Variants in PRKCE observed in about 807,000 individuals in gnomAD.
The protein encoded by PRKCE is protein kinase C epsilon, also known as protein kinase C epsilon type.
In PRKCE, 16 loss-of-function variants were observed where a neutral mutation model predicts 85.4. The observed-to-expected ratio is 0.19, with a 90% CI of 0.13 to 0.28. The LOEUF is 0.28. PRKCE is among the 10% of genes least tolerant of loss of function. The probability of loss-of-function intolerance (pLI) is 1.00; values close to 1 mark genes in which losing one functional copy is unlikely to be tolerated. For missense variants in PRKCE, 573 were observed against 975.2 expected, an observed-to-expected ratio of 0.59 and a Z score of 5.49; for synonymous variants, 388 against 371.5, an observed-to-expected ratio of 1.04 and a Z score of -0.51.
rs538383706 is a variant in PRKCE, at chr2:45,818,045, C to T, written c.349-24955C>T. Among the ~76,000 whole-genome samples the T allele has an allele frequency of 1.2e-4, 18 of 152,328 alleles. No homozygotes were observed. In the South Asian group the frequency reaches 3.7e-3, roughly 32 times the overall value. On this transcript the variant is annotated intron_variant, in intron 1 of 14. Transcript: ENST00000306156. ...TCGATCCTTAGAGTATGACCTGAGACAAGAGGGTAGCACATTTGTGATTCT... is the reference window on the plus strand; with the variant it reads ...TCGATCCTTAGAGTATGACCTGAGATAAGAGGGTAGCACATTTGTGATTCT...
intron 11 of PRKCE, among the ~76,000 whole-genome samples, chr2:46,114,193 C>T (rs995876810): frequency 1.7e-4 from 26 of 152,040 alleles, no homozygotes; most frequent in Admixed American, 5.9e-4. Context: ...TGTCGAGAGG[C>T]ACAGAACTCG....
intron 6 of PRKCE, 56 bp downstream of exon 6, chr2:45,984,736 G>T: frequency 7.7e-6 from 12 of 1,562,778 alleles, no homozygotes; most frequent in Non-Finnish European, 1.0e-5. Context: ...CTTGCTGCCT[G>T]CCCCCATCCC....
intron 2 of PRKCE, among the ~76,000 whole-genome samples, chr2:45,941,049 G>C (rs376031075): frequency 1.1e-4 from 12 of 106,388 alleles, no homozygotes; most frequent in Middle Eastern, 5.1e-3. Flanking sequence ...CTGGGTGACA[G>C]AGTGAGACTT....
In PRKCE at chr2:45,960,944, GCTTT is replaced by G. The variant is rs1211339439; in HGVS notation, c.413-15482_413-15479del. Among the ~76,000 whole-genome samples, 19 of 152,254 alleles carry G rather than the reference GCTTT, an allele frequency of 1.2e-4. No homozygotes were observed. In the East Asian group the frequency reaches 3.3e-3, roughly 26 times the overall value. On this transcript the variant is annotated intron_variant, in intron 2 of 14. Coordinates refer to ENST00000306156, the MANE Select transcript of PRKCE (RefSeq NM_005400.3). ...TGAACTTATAATGGCCCTCGCAGAG[GCTTT>G]CTGTTTCAACAGGGTTGAAAGCCTG...
intron 1 of PRKCE, among the ~76,000 whole-genome samples, chr2:45,821,741 T>C (rs935258979): frequency 6.6e-6 from 1 of 152,022 alleles, no homozygotes. Flanking sequence ...CAGAAGTGGG[T>C]TGCAGTGTTG....
intron 1 of PRKCE, among the ~76,000 whole-genome samples, chr2:45,724,956 C>T (rs2104495421): frequency 6.6e-6 from 1 of 152,352 alleles, no homozygotes; most frequent in African/African-American, 2.4e-5. Context: ...CTAGCTAAGA[C>T]CGCTGATGAA....
At chr2:45,838,617 A>G (rs1691090830) in intron 1 of PRKCE, among the ~76,000 whole-genome samples, 1 of 151,878 alleles carries the variant, frequency 6.6e-6, no homozygotes, top group Non-Finnish European at 1.5e-5. Context: ...CAATACTCTT[A>G]CCTTAGTTAA....
chr2:45,770,700 C>G (rs1685248775), intron 1 of PRKCE: 1 of 152,234 alleles, frequency 6.6e-6, no homozygotes, highest in Non-Finnish European at 1.5e-5. Context: ...GGGATGCCAG[C>G]TCTCTAACCG....
chr2:46,078,884 T>C (rs1164420802), intron 10 of PRKCE: 1 of 152,158 alleles, frequency 6.6e-6, no homozygotes, highest in African/African-American at 2.4e-5. Flanking sequence ...CTATAGAAAA[T>C]ATAGGAGTTT....
chr2:45,828,368 C>T (rs996365207), intron 1 of PRKCE, among the ~76,000 whole-genome samples: 1 of 152,224 alleles, frequency 6.6e-6, no homozygotes, highest in East Asian at 1.9e-4. Context: ...CCACTGCTCT[C>T]GAGTCTGGGC....
intron 1 of PRKCE, among the ~76,000 whole-genome samples, chr2:45,725,312 CAG>C (rs1458404044): frequency 6.6e-6 from 1 of 152,228 alleles, no homozygotes; most frequent in Non-Finnish European, 1.5e-5. Flanking sequence ...TGTTCATTGA[CAG>C]TGCACCTAGT....
At position 45,652,173 on chromosome 2, in the gene PRKCE, C is replaced by T. The variant is rs1230861001; in HGVS notation, c.73C>T (p.Leu25=). The change falls in exon 1 of 15, where the codon CTG becomes TTG. Residue 25 remains leucine, a synonymous_variant. Coordinates refer to ENST00000306156, the MANE Select transcript of PRKCE (RefSeq NM_005400.3). The surrounding 1 kb of genome is among the most constrained non-coding windows in gnomAD (Gnocchi z 7.7). The part of the protein sequence containing the change: ...AVSLKPTAWS[L]RHAVGPRPQT... Reference sequence around the variant, plus strand: ...GAGCTTGAAGCCCACAGCCTGGTCGCTGCGCCATGCGGTGGGACCCCGGCC... The same window carrying T: ...GAGCTTGAAGCCCACAGCCTGGTCGTTGCGCCATGCGGTGGGACCCCGGCC... 6.2e-7 allele frequency: 1 copy of T among 1,612,770 alleles called. No homozygotes were observed. Among genetic ancestry groups the T allele is most frequent in the Non-Finnish European group, 8.5e-7 (1 of 1,179,432 alleles).
At chr2:45,932,413 T>C (rs1471251018) in intron 2 of PRKCE, among the ~76,000 whole-genome samples, 2 of 152,172 alleles carry the variant, frequency 1.3e-5, no homozygotes, top group African/African-American at 4.8e-5. Context: ...CACGCTGGCA[T>C]TGAGTGCATA....
At chr2:46,157,240 C>G (rs1558512440) in intron 13 of PRKCE, among the ~76,000 whole-genome samples, 1 of 152,176 alleles carries the variant, frequency 6.6e-6, no homozygotes, top group African/African-American at 2.4e-5. Flanking sequence ...CTCAGCCGCA[C>G]CCGAGTCCAC....
chr2:45,914,324 A>T (rs1697595868), intron 2 of PRKCE, among the ~76,000 whole-genome samples: 1 of 152,244 alleles, frequency 6.6e-6, no homozygotes, highest in South Asian at 2.1e-4. Flanking sequence ...AATATGGAAC[A>T]CCAGAGGCAG....
At chr2:45,980,509 A>C (rs1702802527) in intron 5 of PRKCE, 128 bp downstream of exon 5, 3 of 875,228 alleles carry the variant, frequency 3.4e-6, no homozygotes, top group Non-Finnish European at 5.3e-6. Flanking sequence ...TTGATAAAAA[A>C]ACAAAGGGAG....
chr2:46,109,532 A>G (rs1672058752), intron 11 of PRKCE, among the ~76,000 whole-genome samples: 1 of 152,170 alleles, frequency 6.6e-6, no homozygotes, highest in Non-Finnish European at 1.5e-5. Context: ...AGGACATCAG[A>G]TGACTTTTGC....
intron 2 of PRKCE, among the ~76,000 whole-genome samples, chr2:45,863,762 G>T (rs1187456346): frequency 6.6e-6 from 1 of 151,894 alleles, no homozygotes; most frequent in Non-Finnish European, 1.5e-5. Flanking sequence ...TTTTTGCTAG[G>T]GGGAGGACAA....
intron 1 of PRKCE, among the ~76,000 whole-genome samples, chr2:45,820,797 G>T (rs918264588): frequency 6.6e-6 from 1 of 152,104 alleles, no homozygotes; most frequent in African/African-American, 2.4e-5. Context: ...CCCTGCAAGA[G>T]TTTACAGTTG....
Sources: gnomAD v4.1 joint callset for allele counts (sites outside exome capture counted in the v4.1 genomes callset) on GRCh38, gnomAD v4.1.1 for gene constraint, Gnocchi (gnomAD v3.1) non-coding constraint, MANE v1.5 for transcripts, NCBI Gene and HGNC (gene_info 2026-07-23, HGNC 2026-07-21) for gene names.